RHO: variants seen among roughly 807,000 people sequenced by gnomAD.
The protein encoded by RHO is opsin 2, rod pigment.
In RHO, 21 loss-of-function variants were observed where a neutral mutation model predicts 31.2. The ratio of observed to expected loss-of-function variants is 0.67; its 90% confidence interval spans 0.48 to 0.97. The LOEUF is 0.97. RHO is among the 50% of genes least tolerant of loss of function. RHO has a pLI of 0.00. For synonymous variants in RHO, 211 were observed against 196.6 expected (o/e 1.07, Z -0.61); for missense variants, 414 against 479.5 (o/e 0.86, Z 1.28).
chr3:129,533,842 A>ATTTT lies in RHO; in HGVS notation c.*137_*140dup. ...TGAACGAAGTCACATAGGCTCCTTAATTTTTTTTTTTTTTTTAAGAAATAA... is the reference window on the plus strand; with the variant it reads ...TGAACGAAGTCACATAGGCTCCTTAATTTTTTTTTTTTTTTTTTTTAAGAAATAA... On this transcript the variant is annotated 3_prime_UTR_variant, in exon 5 of 5. Transcript: ENST00000296271. The ATTTT allele has an allele frequency of 1.8e-6, 1 of 547,540 alleles. No individual in the cohort carries two copies. 33.9% of individuals were successfully genotyped at this position (547,540 alleles called of 1,614,324 possible).
rs1384283117 is a variant in RHO, at chr3:129,530,886, C to T, written c.372C>T (p.Ala124=). 6.2e-7 allele frequency: 1 copy of T among 1,614,242 alleles called. No individual in the cohort carries two copies. The highest frequency in any genetic ancestry group is 1.7e-5 in the Admixed American group (1 of 60,036). The change falls in exon 2 of 5, where the codon GCC becomes GCT. Residue 124 remains alanine (A), a synonymous_variant. Coordinates refer to ENST00000296271, the MANE Select transcript of RHO (RefSeq NM_000539.3). Reference sequence around the variant, plus strand: ...CTGACTGCCTTGCAGGTGAAATTGCCCTGTGGTCCTTGGTGGTCCTGGCCA... The same window carrying T: ...CTGACTGCCTTGCAGGTGAAATTGCTCTGTGGTCCTTGGTGGTCCTGGCCA... The part of the protein sequence containing the change: ...GFFATLGGEI[A]LWSLVVLAIE...
Position 129,532,496 on chromosome 3 carries a change from G to A in RHO, c.697-37G>A, listed in dbSNP as rs1414909936. ...GCATCTGCGGCTCCTGCTCCCTGGA[G>A]GAGCCATGGTCTGGACCCGGGTCCC... is the stretch of plus-strand genomic sequence containing the variant. On this transcript the variant is annotated intron_variant, in intron 3 of 4. Transcript: ENST00000296271. This position sits in a 1 kb window ranked among gnomAD's most constrained non-coding sequence, Gnocchi z 5.5. 2 of 1,613,892 alleles carry A rather than the reference G, an allele frequency of 1.2e-6. No individual in the cohort carries two copies. The highest frequency in any genetic ancestry group is 1.7e-6 in the Non-Finnish European group (2 of 1,180,010).
intron 1 of RHO, 63 bp from the exon 2 acceptor site, chr3:129,530,813 G>A: frequency 1.2e-6 from 2 of 1,603,630 alleles, no homozygotes; most frequent in African/African-American, 1.3e-5. Context: ...TCCCTGTCTA[G>A]GGGGGAGTGC....
chr3:129,531,006 G>T lies in RHO; in HGVS notation c.492G>T (p.Ala164=). 6.2e-7 allele frequency: 1 copy of T among 1,614,170 alleles called. No individual in the cohort carries two copies. The highest frequency in any genetic ancestry group is 1.3e-5 in the African/African-American group (1 of 75,070). Residue 164 remains alanine (A), a synonymous_variant, in exon 2 of 5, where the codon GCG becomes GCT. Coordinates refer to ENST00000296271, the MANE Select transcript of RHO (RefSeq NM_000539.3). ...IMGVAFTWVM[A]LACAAPPLAG... ...GCGTTGCCTTCACCTGGGTCATGGC[G>T]CTGGCCTGCGCCGCACCCCCACTCG...
Position 129,533,636 on chromosome 3 carries a change from G to A in RHO, c.965G>A (p.Cys322Tyr), listed in dbSNP as rs1200800092. 1 of 1,614,100 alleles carries A rather than the reference G, an allele frequency of 6.2e-7. No homozygotes were observed. Among genetic ancestry groups the A allele is most frequent in the Non-Finnish European group, 8.5e-7 (1 of 1,179,996 alleles). Residue 322 changes from cysteine (C) to tyrosine (Y), a missense_variant, in exon 5 of 5, where the codon TGC becomes TAC. Physicochemically the swap from Cys to Tyr is radical, Grantham distance 194 (BLOSUM62 -2). Coordinates refer to ENST00000296271, the MANE Select transcript of RHO (RefSeq NM_000539.3). ...QFRNCMLTTI[C>Y]CGKNPLGDDE... ...CGGAACTGCATGCTCACCACCATCTGCTGCGGCAAGAACCCACTGGGTGAC... is the reference window on the plus strand; with the variant it reads ...CGGAACTGCATGCTCACCACCATCTACTGCGGCAAGAACCCACTGGGTGAC...
At chr3:129,531,486 A>G (rs1397930176) in intron 2 of RHO, among the ~76,000 whole-genome samples, 1 of 152,160 alleles carries the variant, frequency 6.6e-6, no homozygotes, top group East Asian at 1.9e-4. Flanking sequence ...TGGGGCTGAG[A>G]TGAGACACAG....
chr3:129,531,158 G>T (rs2084777684), intron 2 of RHO, 114 bp downstream of exon 2: 1 of 1,199,160 alleles, frequency 8.3e-7, no homozygotes, highest in East Asian at 2.5e-5. Flanking sequence ...ATGTCTCCTG[G>T]CCCAAATGCC....
In RHO at chr3:129,529,095, G is replaced by A; in HGVS notation, c.361+1G>A. ...GAGGGCTTCTTTGCCACCCTGGGCG[G>A]TATGAGCCGGGTGTGGGTGGGGTGT... On this transcript the variant is annotated splice_donor_variant, in intron 1 of 4. Coordinates refer to ENST00000296271, the MANE Select transcript of RHO (RefSeq NM_000539.3). LOFTEE classifies it high-confidence loss of function. 2 of 1,611,302 alleles carry A rather than the reference G, an allele frequency of 1.2e-6. No homozygotes were observed. Among genetic ancestry groups the A allele is most frequent in the South Asian group, 1.1e-5 (1 of 90,970 alleles).
chr3:129,533,614 A>C lies in RHO; in HGVS notation c.943A>C (p.Asn315His). Residue 315 changes from asparagine to histidine, a missense_variant, in exon 5 of 5, where the codon AAC becomes CAC. Coordinates refer to ENST00000296271, the MANE Select transcript of RHO (RefSeq NM_000539.3). The stretch of plus-strand genomic sequence containing the variant: ...CAAGCCTCTTGCCTTCCAGTTCCGG[A>C]ACTGCATGCTCACCACCATCTGCTG... ...IYIMMNKQFR[N>H]CMLTTICCGK... The C allele has an allele frequency of 6.2e-7, 1 of 1,613,496 alleles. No homozygotes were observed. The highest frequency in any genetic ancestry group is 8.5e-7 in the Non-Finnish European group (1 of 1,179,412).
Position 129,532,535 on chromosome 3 carries a change from C to G in RHO, c.699C>G (p.Ala233=), listed in dbSNP as rs1338813260. The stretch of plus-strand genomic sequence containing the variant: ...GACCCGGGTCCCGTGTCCTGCAGGC[C>G]GCTGCCCAGCAGCAGGAGTCAGCCA... ...YGQLVFTVKE[A]AAQQQESATT... The change falls in exon 4 of 5, where the codon GCC becomes GCG. Residue 233 remains alanine (A), a splice_region_variant and synonymous_variant. Transcript: ENST00000296271. The surrounding 1 kb of genome is among the most constrained non-coding windows in gnomAD (Gnocchi z 5.5). 1 of 1,614,066 alleles carries G rather than the reference C, an allele frequency of 6.2e-7. No homozygotes were observed. Among genetic ancestry groups the G allele is most frequent in the Admixed American group, 1.7e-5 (1 of 60,030 alleles).
Position 129,532,608 on chromosome 3 carries a change from G to A in RHO, c.772G>A (p.Val258Ile), listed in dbSNP as rs1478250192. The change falls in exon 4 of 5, where the codon GTC becomes ATC. Residue 258 changes from valine to isoleucine, a missense_variant. Physicochemically the swap from Val to Ile is conservative, Grantham distance 29 (BLOSUM62 3). Coordinates refer to ENST00000296271, the MANE Select transcript of RHO (RefSeq NM_000539.3). The surrounding 1 kb of genome is among the most constrained non-coding windows in gnomAD (Gnocchi z 5.5). ...KEVTRMVIIM[V>I]IAFLICWVPY... ...GGTCACCCGCATGGTCATCATCATG[G>A]TCATCGCTTTCCTGATCTGCTGGGT... The A allele has an allele frequency of 1.9e-6, 3 of 1,614,192 alleles. No homozygotes were observed. Among genetic ancestry groups the A allele is most frequent in the East Asian group, 2.2e-5 (1 of 44,882 alleles).
rs376708009 is a variant in RHO, at chr3:129,532,219, C to T, written c.531-32C>T. ...ACCTTGGCTGTTCCCAAGTCCCTCA[C>T]AGGCAGGGTCTCCCTACCTGCCTGT... On this transcript the variant is annotated intron_variant, in intron 2 of 4. Coordinates refer to ENST00000296271, the MANE Select transcript of RHO (RefSeq NM_000539.3). The surrounding 1 kb of genome is among the most constrained non-coding windows in gnomAD (Gnocchi z 5.5). The T allele has an allele frequency of 3.1e-6, 5 of 1,608,674 alleles. No homozygotes were observed. Among genetic ancestry groups the T allele is most frequent in the African/African-American group, 1.3e-5 (1 of 74,818 alleles).
Position 129,532,135 on chromosome 3 carries a change from T to C in RHO, c.531-116T>C, listed in dbSNP as rs983404024. 6 of 787,372 alleles carry C rather than the reference T, an allele frequency of 7.6e-6. No homozygotes were observed. The highest frequency in any genetic ancestry group is 2.5e-4 in the Middle Eastern group (1 of 4,040). The allele number at this position is 787,372 out of a possible 1,614,324, so 48.8% of individuals were successfully genotyped here. A position where few individuals can be genotyped will look rare whatever the true frequency, so the allele number is the denominator to read the frequency against. ...TGTCACCCAGCCATGCAGACGTTTA[T>C]GATCCCCTTTTCCAGGGAGGGAATG... On this transcript the variant is annotated intron_variant, in intron 2 of 4. Transcript: ENST00000296271. This position sits in a 1 kb window ranked among gnomAD's most constrained non-coding sequence, Gnocchi z 5.5.
chr3:129,529,078 C>T lies in RHO; in HGVS notation c.345C>T (p.Phe115=), dbSNP rs1336351157. The T allele has an allele frequency of 1.2e-6, 2 of 1,613,092 alleles. No homozygotes were observed. Among genetic ancestry groups the T allele is most frequent in the Middle Eastern group, 1.7e-4 (1 of 6,056 alleles). ...CCACAGGATGCAATTTGGAGGGCTT[C>T]TTTGCCACCCTGGGCGGTATGAGCC... is the stretch of plus-strand genomic sequence containing the variant. ...FGPTGCNLEG[F]FATLGGEIAL... Residue 115 remains phenylalanine (F), a synonymous_variant, in exon 1 of 5, where the codon TTC becomes TTT. Coordinates refer to ENST00000296271, the MANE Select transcript of RHO (RefSeq NM_000539.3).
chr3:129,530,635 A>G (rs2084773291), intron 1 of RHO, among the ~76,000 whole-genome samples: 2 of 151,802 alleles, frequency 1.3e-5, no homozygotes, highest in African/African-American at 4.9e-5. Flanking sequence ...TTATGGGCCC[A>G]GAGCGCTAAG....
rs1422707451 is a variant in RHO, at chr3:129,533,655, G to C, written c.984G>C (p.Leu328=). Residue 328 remains leucine (L), a synonymous_variant, in exon 5 of 5, where the codon CTG becomes CTC. Transcript: ENST00000296271. ...LTTICCGKNP[L]GDDEASATVS... ...CCATCTGCTGCGGCAAGAACCCACTGGGTGACGATGAGGCCTCTGCTACCG... is the reference window on the plus strand; with the variant it reads ...CCATCTGCTGCGGCAAGAACCCACTCGGTGACGATGAGGCCTCTGCTACCG... The C allele has an allele frequency of 1.2e-6, 2 of 1,613,988 alleles. No individual in the cohort carries two copies. The highest frequency in any genetic ancestry group is 3.3e-5 in the Admixed American group (2 of 60,012).
chr3:129,528,774 C>T lies in RHO; in HGVS notation c.41C>T (p.Ser14Phe). The change falls in exon 1 of 5, where the codon TCC (serine) becomes TTC (phenylalanine). Residue 14 changes from serine (S) to phenylalanine (F), a missense_variant. By Grantham distance (155) the Ser-to-Phe change is radical. Coordinates refer to ENST00000296271, the MANE Select transcript of RHO (RefSeq NM_000539.3). ...GGCCCTAACTTCTACGTGCCCTTCT[C>T]CAATGCGACGGGTGTGGTACGCAGC... ...TEGPNFYVPF[S>F]NATGVVRSPF... is the part of the protein sequence containing the mutation. 6.2e-7 allele frequency: 1 copy of T among 1,614,224 alleles called. No homozygotes were observed. The highest frequency in any genetic ancestry group is 1.1e-5 in the South Asian group (1 of 91,088).
At chr3:129,529,695 G>T (rs1560046001) in intron 1 of RHO, among the ~76,000 whole-genome samples, 1 of 152,220 alleles carries the variant, frequency 6.6e-6, no homozygotes, top group East Asian at 1.9e-4. Context: ...CAGCCTCCCT[G>T]CCGCGTTCCA....
chr3:129,530,928 G>A lies in RHO; in HGVS notation c.414G>A (p.Val138=), dbSNP rs1213823882. The change falls in exon 2 of 5, where the codon GTG becomes GTA. Residue 138 remains valine (V), a synonymous_variant. Coordinates refer to ENST00000296271, the MANE Select transcript of RHO (RefSeq NM_000539.3). ...TCCTGGCCATCGAGCGGTACGTGGT[G>A]GTGTGTAAGCCCATGAGCAACTTCC... ...LVVLAIERYV[V]VCKPMSNFRF... is the part of the protein sequence containing the mutation. 6 of 1,614,136 alleles carry A rather than the reference G, an allele frequency of 3.7e-6. No individual in the cohort carries two copies. Among genetic ancestry groups the A allele is most frequent in the African/African-American group, 1.3e-5 (1 of 74,944 alleles).
Sources: allele counts gnomAD v4.1 joint callset (sites outside exome capture counted in the v4.1 genomes callset), GRCh38; gene constraint gnomAD v4.1.1; non-coding constraint Gnocchi (gnomAD v3.1); transcripts MANE v1.5; gene names NCBI Gene and HGNC (gene_info 2026-07-23, HGNC 2026-07-21).